CHN1: variants seen among roughly 807,000 people sequenced by gnomAD.
CHN1 encodes the protein N-chimaerin.
In CHN1, 37 loss-of-function variants were observed where a neutral mutation model predicts 59.5. The ratio of observed to expected loss-of-function variants is 0.62; its 90% CI spans 0.48 to 0.82. The LOEUF is 0.82. Ranked by LOEUF, CHN1 falls within the 40% of genes least tolerant of loss-of-function variation. The pLI is 0.00. For missense variants in CHN1, 469 were observed against 571.0 expected, an observed-to-expected ratio of 0.82 and a Z score of 1.82; for synonymous variants, 206 against 200.4, an observed-to-expected ratio of 1.03 and a Z score of -0.24.
chr2:174,828,501 C>A (rs1369943056), intron 7 of CHN1, among the ~76,000 whole-genome samples: 1 of 152,156 alleles, frequency 6.6e-6, no homozygotes, highest in Admixed American at 6.5e-5. Flanking sequence ...AATTGTACAA[C>A]TTAGAATAGC....
rs111483060 is a variant in CHN1 at position 174,991,985 on chromosome 2, A to G, written c.19+12909T>C. The stretch of plus-strand genomic sequence containing the variant: ...AAAAATAAGATACATAACTATTACG[A>G]AAGAAATGCATTCACAAATGTCATG... On this transcript the variant is annotated intron_variant, in intron 1 of 12. Transcript: ENST00000409900. Among the ~76,000 whole-genome samples the G allele has an allele frequency of 1.8e-4, 27 of 152,366 alleles. 1 individual carries two copies. Among genetic ancestry groups the G allele is most frequent in the African/African-American group, 5.0e-4 (21 of 41,596 alleles).
At chr2:174,946,249 A>C (rs1689832414) in intron 2 of CHN1, among the ~76,000 whole-genome samples, 1 of 152,200 alleles carries the variant, frequency 6.6e-6, no homozygotes. Flanking sequence ...TAAATGCTCA[A>C]TGAAGACTAC....
At chr2:174,921,891 C>T (rs1490150040) in intron 3 of CHN1, among the ~76,000 whole-genome samples, 2 of 152,158 alleles carry the variant, frequency 1.3e-5, no homozygotes, top group East Asian at 3.8e-4. Flanking sequence ...ATGGGAACCA[C>T]AATTCAAGAT....
intron 3 of CHN1, among the ~76,000 whole-genome samples, chr2:174,933,978 A>C (rs1689426399): frequency 6.6e-6 from 1 of 152,138 alleles, no homozygotes; most frequent in South Asian, 2.1e-4. Context: ...TTATGAGCTG[A>C]AAATTAGGAG....
chr2:174,878,166 G>A (rs776754266), intron 5 of CHN1, 38 bp from the exon 6 acceptor site: 2 of 1,476,502 alleles, frequency 1.4e-6, no homozygotes, highest in Non-Finnish European at 1.8e-6. Flanking sequence ...TTTAAGAAAA[G>A]TAAGCAACTG....
Position 174,878,114 on chromosome 2 carries a change from G to C in CHN1, c.275C>G (p.Thr92Ser), listed in dbSNP as rs1324232727. The change falls in exon 6 of 13, where the codon ACC becomes AGC. Residue 92 changes from threonine (T) to serine (S), a missense_variant. By Grantham distance (58) the Thr-to-Ser change is moderately conservative. Coordinates refer to ENST00000409900, the MANE Select transcript of CHN1 (RefSeq NM_001822.7). Reference sequence around the variant, plus strand: ...ATCGTAGTAGAGCCTGAAGTTTCTGGTTTGACTTCCAAATCTGCCTCAATG... The same window carrying C: ...ATCGTAGTAGAGCCTGAAGTTTCTGCTTTGACTTCCAAATCTGCCTCAATG... ...YTLALRFGSQTRNFRLYYDGK... is the reference protein window; with the variant it reads ...YTLALRFGSQSRNFRLYYDGK... 1 of 1,519,404 alleles carries C rather than the reference G, an allele frequency of 6.6e-7. No individual in the cohort carries two copies. Among genetic ancestry groups the C allele is most frequent in the African/African-American group, 1.4e-5 (1 of 72,578 alleles). 94.1% of individuals were successfully genotyped at this position (1,519,404 alleles called of 1,614,324 possible).
intron 6 of CHN1, among the ~76,000 whole-genome samples, chr2:174,848,406 T>C (rs1400772479): frequency 6.6e-6 from 1 of 152,146 alleles, no homozygotes; most frequent in Non-Finnish European, 1.5e-5. Context: ...ATACCTACAT[T>C]TTTTCACTAA....
chr2:174,824,565 G>T, intron 7 of CHN1, 47 bp from the exon 8 acceptor site: 2 of 1,218,736 alleles, frequency 1.6e-6, no homozygotes, highest in Non-Finnish European at 1.2e-6. Context: ...GAAACACACG[G>T]ATGAGAAGAC....
chr2:174,928,893 C>T (rs940795598), intron 3 of CHN1, among the ~76,000 whole-genome samples: 5 of 152,150 alleles, frequency 3.3e-5, no homozygotes, highest in African/African-American at 1.2e-4. Context: ...AAAGTTTAAA[C>T]TTACAAAATC....
chr2:174,810,477 G>A lies in CHN1; in HGVS notation c.964+1034C>T, dbSNP rs375207367. Among the ~76,000 whole-genome samples, 78 of 152,294 alleles carry A rather than the reference G, an allele frequency of 5.1e-4. 1 individual carries two copies. In the South Asian group the frequency reaches 0.016, roughly 31 times the overall value. On this transcript the variant is annotated intron_variant, in intron 10 of 12. Transcript: ENST00000409900. ...TCTCTGGGGTCCATAGGAACATTCA[G>A]TTTCTTTGTCAGTGTGAATTTATTT...
intron 1 of CHN1, among the ~76,000 whole-genome samples, chr2:174,996,770 C>G (rs1044271427): frequency 2.0e-5 from 3 of 152,316 alleles, no homozygotes; most frequent in Middle Eastern, 3.4e-3. Context: ...CTCCTCAACT[C>G]CTCCAGCTTT....
chr2:174,842,765 T>C (rs1210899366), intron 7 of CHN1, among the ~76,000 whole-genome samples: 1 of 152,218 alleles, frequency 6.6e-6, no homozygotes, highest in African/African-American at 2.4e-5. Flanking sequence ...TTTTTCCTAG[T>C]AGGTCTTGAA....
intron 5 of CHN1, among the ~76,000 whole-genome samples, chr2:174,912,146 A>G (rs917525830): frequency 6.6e-6 from 1 of 152,180 alleles, no homozygotes; most frequent in Non-Finnish European, 1.5e-5. Context: ...ATATGAAAAG[A>G]AAGGTATGGC....
chr2:174,978,553 C>T (rs1691032262), intron 1 of CHN1, among the ~76,000 whole-genome samples: 1 of 152,216 alleles, frequency 6.6e-6, no homozygotes, highest in Admixed American at 6.5e-5. Context: ...ACTTACTACA[C>T]AGGTAATGGC....
chr2:175,000,683 A>T (rs1337093212), intron 1 of CHN1, among the ~76,000 whole-genome samples: 1 of 152,094 alleles, frequency 6.6e-6, no homozygotes, highest in Non-Finnish European at 1.5e-5. Flanking sequence ...ACCTCAAATG[A>T]TCCACCCACC....
chr2:174,966,183 C>T (rs541735387), intron 1 of CHN1, among the ~76,000 whole-genome samples: 14 of 152,132 alleles, frequency 9.2e-5, no homozygotes, highest in African/African-American at 3.4e-4. Flanking sequence ...TTAAATTCAC[C>T]CTTAGAAGCA....
At chr2:174,902,058 C>T (rs554378827) in intron 5 of CHN1, among the ~76,000 whole-genome samples, 1 of 152,276 alleles carries the variant, frequency 6.6e-6, no homozygotes, top group East Asian at 1.9e-4. Context: ...TTTCATACAA[C>T]ACAGTTTTAA....
At chr2:174,847,191 C>T (rs1686549767) in intron 6 of CHN1, 2 of 1,493,734 alleles carry the variant, frequency 1.3e-6, no homozygotes, top group East Asian at 4.9e-5. Context: ...GATATCTATT[C>T]AGCTAACACA....
chr2:174,957,367 C>A (rs1320755863), intron 1 of CHN1, among the ~76,000 whole-genome samples: 3 of 145,360 alleles, frequency 2.1e-5, no homozygotes, highest in African/African-American at 7.8e-5. Context: ...CGGGAACAGG[C>A]AGGTCATATG....
Sources: allele counts gnomAD v4.1 joint callset (sites outside exome capture counted in the v4.1 genomes callset), GRCh38; gene constraint gnomAD v4.1.1; transcripts MANE v1.5; gene names NCBI Gene and HGNC (gene_info 2026-07-23, HGNC 2026-07-21).